MSRA: variants seen among roughly 807,000 people sequenced by gnomAD.
MSRA encodes mitochondrial peptide methionine sulfoxide reductase.
A neutral mutation model predicts 31.3 loss-of-function variants in MSRA; 54 were observed. The ratio of observed to expected loss-of-function variants is 1.73; its 90% CI spans 1.39 to 2.17. The LOEUF is 2.17. MSRA is among the 30% of genes most tolerant of loss of function. MSRA has a pLI of 0.00. For synonymous variants in MSRA, 169 were observed against 116.5 expected, an observed-to-expected ratio of 1.45 and a Z score of -2.90; for missense variants, 507 against 300.9, an observed-to-expected ratio of 1.69 and a Z score of -5.07.
chr8:10,189,237 T>C lies in MSRA; in HGVS notation c.143-18596T>C, dbSNP rs377413205. Among the ~76,000 whole-genome samples the C allele has an allele frequency of 3.9e-5, 6 of 152,350 alleles. No homozygotes were observed. In the East Asian group the frequency reaches 1.2e-3, roughly 29 times the overall value. ...ACATTTGGTGAGCTTGGTAAACTTT[T>C]TAGTACAAATAGCTTTTTTCCTTAG... On this transcript the variant is annotated intron_variant, in intron 1 of 5. Coordinates refer to ENST00000317173, the MANE Select transcript of MSRA (RefSeq NM_012331.5).
At chr8:10,317,476 C>A (rs549081426) in intron 4 of MSRA, among the ~76,000 whole-genome samples, 2 of 152,248 alleles carry the variant, frequency 1.3e-5, no homozygotes, top group Admixed American at 1.3e-4. Context: ...AACCTCAGAG[C>A]AGTCTTAGGG....
chr8:10,343,229 A>C (rs1184796336), intron 5 of MSRA, among the ~76,000 whole-genome samples: 1 of 152,198 alleles, frequency 6.6e-6, no homozygotes, highest in African/African-American at 2.4e-5. Flanking sequence ...TCGCAGGGGA[A>C]AGGGATTCCA....
chr8:10,076,958 T>G (rs1798023395), intron 1 of MSRA, among the ~76,000 whole-genome samples: 1 of 148,696 alleles, frequency 6.7e-6, no homozygotes, highest in South Asian at 2.1e-4. Context: ...AATACGTAGG[T>G]AATGGGTTGA....
At chr8:10,285,299 T>G (rs1799874526) in intron 3 of MSRA, among the ~76,000 whole-genome samples, 1 of 152,222 alleles carries the variant, frequency 6.6e-6, no homozygotes, top group African/African-American at 2.4e-5. Context: ...TTTAACAACT[T>G]TCTTTTATTA....
At chr8:10,147,698 G>A (rs1803268129) in intron 1 of MSRA, among the ~76,000 whole-genome samples, 1 of 152,142 alleles carries the variant, frequency 6.6e-6, no homozygotes, top group South Asian at 2.1e-4. Context: ...AGGCTGTAAC[G>A]AGAAGGGTGC....
At chr8:10,415,256 CCTTGCATCTAGGAAGTTATG>C (rs1808387761) in intron 5 of MSRA, among the ~76,000 whole-genome samples, 1 of 152,170 alleles carries the variant, frequency 6.6e-6, no homozygotes, top group South Asian at 2.1e-4. Flanking sequence ...GACCCATTCC[CCTTGCATCTAGGAAGTTATG>C]CTTGGAATTT....
chr8:10,132,990 A>G lies in MSRA; in HGVS notation c.143-74843A>G, dbSNP rs149188182. Among the ~76,000 whole-genome samples the G allele has an allele frequency of 2.8e-3, 430 of 152,308 alleles. 2 individuals are homozygous for G. Among genetic ancestry groups the G allele is most frequent in the African/African-American group, 9.7e-3 (403 of 41,576 alleles). On this transcript the variant is annotated intron_variant, in intron 1 of 5. Transcript: ENST00000317173. ...ATATATTTCACTTGTAATAAGCACC[A>G]TATGGGGTCCTGCCTTGGAGCTGAG...
intron 1 of MSRA, among the ~76,000 whole-genome samples, chr8:10,068,643 C>A (rs1305473478): frequency 6.6e-6 from 1 of 152,138 alleles, no homozygotes; most frequent in Non-Finnish European, 1.5e-5. Context: ...TTCTGGGCTC[C>A]TTATTATGAT....
intron 5 of MSRA, among the ~76,000 whole-genome samples, chr8:10,371,580 G>A (rs1005437207): frequency 3.2e-4 from 48 of 152,262 alleles, no homozygotes; most frequent in African/African-American, 1.1e-3. Context: ...TGGTCATCAA[G>A]CAGAGACAGT....
At chr8:10,279,307 T>C (rs1399601780) in intron 3 of MSRA, among the ~76,000 whole-genome samples, 2 of 152,224 alleles carry the variant, frequency 1.3e-5, no homozygotes, top group South Asian at 2.1e-4. Context: ...TCCAGACATA[T>C]GTAATGGGTG....
chr8:10,120,392 C>A (rs911918779), intron 1 of MSRA, among the ~76,000 whole-genome samples: 1 of 152,108 alleles, frequency 6.6e-6, no homozygotes, highest in Non-Finnish European at 1.5e-5. Flanking sequence ...GTAATTTGCC[C>A]ATCCGTGTCT....
At chr8:10,288,400 T>G (rs538665967) in intron 3 of MSRA, among the ~76,000 whole-genome samples, 1 of 152,350 alleles carries the variant, frequency 6.6e-6, no homozygotes, top group South Asian at 2.1e-4. Flanking sequence ...AATCATAATT[T>G]ATAGAATCAG....
chr8:10,182,619 G>C (rs1396655330), intron 1 of MSRA, among the ~76,000 whole-genome samples: 1 of 152,114 alleles, frequency 6.6e-6, no homozygotes, highest in Non-Finnish European at 1.5e-5. Flanking sequence ...GGTTACATGA[G>C]ATGTTATGAT....
At chr8:10,109,785 T>G (rs1800149019) in intron 1 of MSRA, among the ~76,000 whole-genome samples, 1 of 152,244 alleles carries the variant, frequency 6.6e-6, no homozygotes, top group African/African-American at 2.4e-5. Flanking sequence ...ATTCATTTCA[T>G]GATGGTTGTT....
At chr8:10,352,308 A>G (rs373228957) in intron 5 of MSRA, among the ~76,000 whole-genome samples, 8 of 152,212 alleles carry the variant, frequency 5.3e-5, no homozygotes, top group African/African-American at 1.9e-4. Flanking sequence ...AAGACTGTGT[A>G]TGTATGTGTG....
intron 1 of MSRA, among the ~76,000 whole-genome samples, chr8:10,087,037 C>T (rs1213552086): frequency 6.6e-6 from 1 of 152,072 alleles, no homozygotes; most frequent in Non-Finnish European, 1.5e-5. Context: ...ACCAGGGAGG[C>T]AACATGGAAG....
intron 5 of MSRA, among the ~76,000 whole-genome samples, chr8:10,370,109 C>G (rs940015885): frequency 6.6e-5 from 10 of 152,194 alleles, no homozygotes; most frequent in Admixed American, 6.5e-4. Context: ...CAACATTTGT[C>G]TCGTGTTTTG....
chr8:10,261,206 C>CT (rs1397638616), intron 3 of MSRA, among the ~76,000 whole-genome samples: 9 of 151,980 alleles, frequency 5.9e-5, no homozygotes, highest in African/African-American at 2.2e-4. Flanking sequence ...ATTGTCATGT[C>CT]TTTAAGTTGC....
At chr8:10,173,945 T>C (rs1410295541) in intron 1 of MSRA, among the ~76,000 whole-genome samples, 1 of 152,158 alleles carries the variant, frequency 6.6e-6, no homozygotes, top group Non-Finnish European at 1.5e-5. Context: ...TTTGGTTGGC[T>C]GAGGTCAGCA....
Sources: gnomAD v4.1 joint callset for allele counts (sites outside exome capture counted in the v4.1 genomes callset) on GRCh38, gnomAD v4.1.1 for gene constraint, MANE v1.5 for transcripts, NCBI Gene and HGNC (gene_info 2026-07-23, HGNC 2026-07-21) for gene names.